The following FANCC variants were observed in gnomAD, a reference collection of about 807,000 sequenced individuals.
The protein encoded by FANCC is Fanconi anemia group C protein.
Under a neutral mutation model 71.3 loss-of-function variants are expected in FANCC, and 55 were observed. The observed-to-expected ratio is 0.77, with a 90% CI of 0.62 to 0.97. FANCC has a LOEUF of 0.97. Ranked by LOEUF, FANCC falls within the 50% of genes least tolerant of loss-of-function variation. FANCC has a pLI of 0.00. For synonymous variants in FANCC, 275 were observed against 244.9 expected (o/e 1.12, Z -1.15); for missense variants, 678 against 670.9 (o/e 1.01, Z -0.12).
intron 4 of FANCC, among the ~76,000 whole-genome samples, chr9:95,190,378 T>C (rs1322371761): frequency 6.6e-6 from 1 of 152,204 alleles, no homozygotes; most frequent in East Asian, 1.9e-4. Context: ...AAGTTCTCCT[T>C]GATCCTACCT....
rs1564685224 is a variant in FANCC at position 95,139,853 on chromosome 9, A to AT, written c.687-4352_687-4351insA. Among the ~76,000 whole-genome samples, 4 of 144,418 alleles carry AT rather than the reference A, an allele frequency of 2.8e-5. No individual in the cohort carries two copies. The East Asian group carries it at 6.1e-4, about 22-fold the overall frequency. 94.7% of individuals were successfully genotyped at this position (144,418 alleles called of 152,430 possible). ...ATATATTTATATATATATATATATA[A>AT]ATATATATATTCATTCATTCTGTGG... On this transcript the variant is annotated intron_variant, in intron 7 of 14. Transcript: ENST00000289081.
At chr9:95,248,693 A>C (rs1162048720) in intron 2 of FANCC, among the ~76,000 whole-genome samples, 1 of 151,870 alleles carries the variant, frequency 6.6e-6, no homozygotes, top group Non-Finnish European at 1.5e-5. Context: ...TAGTAAAGAT[A>C]CTCAAAATCT....
intron 1 of FANCC, among the ~76,000 whole-genome samples, chr9:95,296,741 G>T (rs1486246020): frequency 2.0e-5 from 3 of 152,146 alleles, no homozygotes; most frequent in Non-Finnish European, 2.9e-5. Flanking sequence ...CCAAAATAAA[G>T]AACATCAAAC....
At chr9:95,313,798 A>T (rs1043462784) in intron 1 of FANCC, among the ~76,000 whole-genome samples, 2 of 152,238 alleles carry the variant, frequency 1.3e-5, no homozygotes, top group African/African-American at 4.8e-5. Context: ...GGTTAGTATA[A>T]ATACACAAAT....
At chr9:95,211,659 ATG>A (rs1177174572) in intron 4 of FANCC, among the ~76,000 whole-genome samples, 2 of 152,210 alleles carry the variant, frequency 1.3e-5, no homozygotes, top group African/African-American at 2.4e-5. Flanking sequence ...CATCAATGCA[ATG>A]TTCATAATAC....
At chr9:95,290,341 A>T (rs973700353) in intron 1 of FANCC, among the ~76,000 whole-genome samples, 3 of 152,204 alleles carry the variant, frequency 2.0e-5, no homozygotes, top group African/African-American at 7.2e-5. Flanking sequence ...GAAACTGAGG[A>T]TCTTCCAAGT....
chr9:95,114,506 C>A, intron 12 of FANCC, 123 bp downstream of exon 12: 1 of 892,086 alleles, frequency 1.1e-6, no homozygotes, highest in Middle Eastern at 2.4e-4. Flanking sequence ...CCATGGTGCT[C>A]ACCTGTTTGG....
chr9:95,267,763 A>G (rs757134910), intron 1 of FANCC, among the ~76,000 whole-genome samples: 4 of 152,344 alleles, frequency 2.6e-5, no homozygotes, highest in Middle Eastern at 3.4e-3. Context: ...TGCTTTTTAA[A>G]AAAGCTAATT....
intron 4 of FANCC, among the ~76,000 whole-genome samples, chr9:95,223,067 C>T (rs539859972): frequency 7.9e-5 from 12 of 152,312 alleles, no homozygotes; most frequent in Admixed American, 5.9e-4. Context: ...AATTTCAACA[C>T]TGCTTTGGAT....
intron 1 of FANCC, among the ~76,000 whole-genome samples, chr9:95,302,259 C>CCT (rs1371521732): frequency 6.6e-6 from 1 of 152,092 alleles, no homozygotes; most frequent in Non-Finnish European, 1.5e-5. Context: ...ACTGGCCAAC[C>CCT]CTAGTTGCAT....
chr9:95,275,047 G>A (rs1391642518), intron 1 of FANCC, among the ~76,000 whole-genome samples: 1 of 151,312 alleles, frequency 6.6e-6, no homozygotes, highest in African/African-American at 2.4e-5. Context: ...TGAGGCAGGA[G>A]GATTGCTTGA....
At chr9:95,258,003 C>A (rs1003711682) in intron 1 of FANCC, among the ~76,000 whole-genome samples, 2 of 152,140 alleles carry the variant, frequency 1.3e-5, no homozygotes, top group Admixed American at 6.5e-5. Flanking sequence ...GAAGTTGAAT[C>A]CCTGAATAGA....
intron 4 of FANCC, among the ~76,000 whole-genome samples, chr9:95,224,926 C>T (rs1246484324): frequency 6.6e-6 from 1 of 152,184 alleles, no homozygotes; most frequent in Non-Finnish European, 1.5e-5. Context: ...TCAAACCACA[C>T]AGCTTTTAAA....
intron 10 of FANCC, among the ~76,000 whole-genome samples, chr9:95,118,309 G>A (rs2072594499): frequency 6.6e-6 from 1 of 152,236 alleles, no homozygotes; most frequent in African/African-American, 2.4e-5. Flanking sequence ...ATGAGCCACT[G>A]AGCCTGGCTC....
intron 4 of FANCC, among the ~76,000 whole-genome samples, chr9:95,208,912 C>T (rs1318288906): frequency 3.3e-5 from 5 of 152,138 alleles, no homozygotes; most frequent in African/African-American, 1.2e-4. Flanking sequence ...GAGTTGAAAA[C>T]TTGTGTCCCC....
intron 1 of FANCC, among the ~76,000 whole-genome samples, chr9:95,296,096 T>C (rs996923362): frequency 2.0e-5 from 3 of 152,228 alleles, no homozygotes; most frequent in African/African-American, 7.2e-5. Flanking sequence ...CACAAACTCA[T>C]TGAGTTCTAT....
At chr9:95,230,237 G>A (rs945134578) in intron 4 of FANCC, among the ~76,000 whole-genome samples, 3 of 152,148 alleles carry the variant, frequency 2.0e-5, no homozygotes, top group South Asian at 4.1e-4. Context: ...GGTTCCGTGC[G>A]GTGTAGTGCG....
intron 4 of FANCC, among the ~76,000 whole-genome samples, chr9:95,193,985 C>T (rs752472287): frequency 6.6e-5 from 10 of 152,172 alleles, no homozygotes; most frequent in Non-Finnish European, 1.5e-4. Context: ...TCTGAGTCCA[C>T]CCTGTTACTT....
intron 14 of FANCC, among the ~76,000 whole-genome samples, chr9:95,103,300 T>C (rs2071200279): frequency 6.6e-6 from 1 of 151,980 alleles, no homozygotes; most frequent in Non-Finnish European, 1.5e-5. Context: ...CATGCAAAAA[T>C]TCGCAGCCCT....
Sources: allele counts gnomAD v4.1 joint callset (sites outside exome capture counted in the v4.1 genomes callset), GRCh38; gene constraint gnomAD v4.1.1; transcripts MANE v1.5; gene names NCBI Gene and HGNC (gene_info 2026-07-23, HGNC 2026-07-21).